The following TMCC3 variants were observed in gnomAD, a reference collection of about 807,000 sequenced individuals.
The protein encoded by TMCC3 is transmembrane and coiled-coil domain protein 3.
Under a neutral mutation model 40.2 loss-of-function variants are expected in TMCC3, and 28 were observed. That is an observed-to-expected ratio of 0.70 (90% CI 0.52 to 0.95). TMCC3 has a LOEUF of 0.95. Among genes scored for constraint, TMCC3 ranks in the 40% least tolerant of loss-of-function variants. TMCC3 has a pLI of 0.00. For synonymous variants in TMCC3, 255 were observed against 248.5 expected (o/e 1.03, Z -0.25); for missense variants, 554 against 615.2 (o/e 0.90, Z 1.05).
At chr12:94,598,906 A>G in intron 1 of TMCC3, 1 of 422,950 alleles carries the variant, frequency 2.4e-6, no homozygotes, top group Non-Finnish European at 3.2e-6. Context: ...GGTTGGCTGT[A>G]TCTCCAAAAC....
At chr12:94,602,731 G>C (rs556644557) in intron 1 of TMCC3, among the ~76,000 whole-genome samples, 2 of 152,186 alleles carry the variant, frequency 1.3e-5, no homozygotes, top group African/African-American at 2.4e-5. Context: ...GAGGCTACAG[G>C]AGTGCACCAT....
At chr12:94,618,145 A>G (rs2068857137) in intron 1 of TMCC3, among the ~76,000 whole-genome samples, 1 of 152,376 alleles carries the variant, frequency 6.6e-6, no homozygotes, top group Middle Eastern at 3.4e-3. Flanking sequence ...TAAGGCATAC[A>G]TAATTCAGTT....
intron 1 of TMCC3, among the ~76,000 whole-genome samples, chr12:94,646,855 T>C (rs2069022580): frequency 6.6e-6 from 1 of 151,972 alleles, no homozygotes; most frequent in African/African-American, 2.4e-5. Context: ...AAAGGCTATT[T>C]AGGACCTTGC....
rs139836768 is a variant in TMCC3 at position 94,587,077 on chromosome 12, G to A, written c.79-4539C>T. On this transcript the variant is annotated intron_variant, in intron 1 of 3. Coordinates refer to ENST00000261226, the MANE Select transcript of TMCC3 (RefSeq NM_020698.4). Reference sequence around the variant, plus strand: ...GAACACAAACTGAAATTACATGTGCGTGCTAAAAGAAAGCTGCCAGTCCTC... The same window carrying A: ...GAACACAAACTGAAATTACATGTGCATGCTAAAAGAAAGCTGCCAGTCCTC... Among the ~76,000 whole-genome samples, 376 of 152,268 alleles carry A rather than the reference G, an allele frequency of 2.5e-3. 2 individuals are homozygous for A. The highest frequency in any genetic ancestry group is 8.4e-3 in the African/African-American group (349 of 41,546).
intron 1 of TMCC3, chr12:94,644,483 T>C (rs2069007638): frequency 1.0e-6 from 1 of 971,272 alleles, no homozygotes; most frequent in Non-Finnish European, 1.2e-6. Context: ...TGGTGATCTC[T>C]ACAGCGGATG....
Position 94,582,042 on chromosome 12 carries a change from G to C in TMCC3, c.575C>G (p.Ser192Ter). 3.1e-6 allele frequency: 5 copies of C among 1,614,208 alleles called. No individual in the cohort carries two copies. Among genetic ancestry groups the C allele is most frequent in the Non-Finnish European group, 4.2e-6 (5 of 1,180,034 alleles). Residue 192 changes from serine (S) to a stop codon, truncating the protein, a stop_gained, in exon 2 of 4, where the codon TCA becomes TGA. Coordinates refer to ENST00000261226, the MANE Select transcript of TMCC3 (RefSeq NM_020698.4). LOFTEE classifies it high-confidence loss of function. ...ESSKSGMPGV[S>*]LTPPVFVFNK... ...GAAAACGAACACAGGTGGAGTAAGT[G>C]AGACCCCTGGCATGCCCGATTTGCT...
chr12:94,645,838 C>T (rs768327080), intron 1 of TMCC3, among the ~76,000 whole-genome samples: 7 of 152,122 alleles, frequency 4.6e-5, no homozygotes, highest in East Asian at 1.9e-4. Flanking sequence ...GTCATGTTGA[C>T]GCTCAAAAAG....
intron 1 of TMCC3, among the ~76,000 whole-genome samples, chr12:94,641,499 T>C (rs2068990776): frequency 6.6e-6 from 1 of 152,128 alleles, no homozygotes; most frequent in Non-Finnish European, 1.5e-5. Context: ...AGGGGGACGC[T>C]TCACTGGGTA....
intron 1 of TMCC3, among the ~76,000 whole-genome samples, chr12:94,614,761 AT>A (rs559601163): frequency 0.032 from 4,328 of 134,616 alleles, 62 homozygotes; most frequent in Admixed American, 0.045. Flanking sequence ...CAACAGACAG[AT>A]TTTTTTTTTT....
Position 94,646,038 on chromosome 12 carries a change from C to T in TMCC3, c.78+4315G>A, listed in dbSNP as rs117145009. On this transcript the variant is annotated intron_variant, in intron 1 of 3. Transcript: ENST00000261226. ...AGAGTGATTACAGGATCCAAGATTACACTGGTAGCAAACAGCACTGGTACA... is the reference window on the plus strand; with the variant it reads ...AGAGTGATTACAGGATCCAAGATTATACTGGTAGCAAACAGCACTGGTACA... Among the ~76,000 whole-genome samples the T allele has an allele frequency of 9.0e-3, 1,373 of 152,266 alleles. 7 individuals are homozygous for T. Among genetic ancestry groups the T allele is most frequent in the South Asian group, 0.022 (108 of 4,828 alleles).
intron 1 of TMCC3, among the ~76,000 whole-genome samples, chr12:94,603,691 A>C (rs1219174096): frequency 6.6e-6 from 1 of 152,222 alleles, no homozygotes; most frequent in Non-Finnish European, 1.5e-5. Context: ...ACATTGATCC[A>C]GGTGGCAGTC....
chr12:94,590,538 CT>C (rs1318002848), intron 1 of TMCC3, among the ~76,000 whole-genome samples: 2 of 152,110 alleles, frequency 1.3e-5, no homozygotes, highest in Non-Finnish European at 2.9e-5. Context: ...AGCCCTGTCC[CT>C]AAGGGCCTAG....
intron 2 of TMCC3, 109 bp downstream of exon 2, chr12:94,581,513 G>A: frequency 1.5e-6 from 1 of 673,422 alleles, no homozygotes; most frequent in Non-Finnish European, 2.1e-6. Context: ...TACCCACTAA[G>A]TATCCGTGGT....
At chr12:94,603,387 T>C (rs1212511948) in intron 1 of TMCC3, among the ~76,000 whole-genome samples, 1 of 151,972 alleles carries the variant, frequency 6.6e-6, no homozygotes, top group Non-Finnish European at 1.5e-5. Context: ...AAAATGCTGG[T>C]ATTATGGGCA....
chr12:94,622,986 C>G (rs923871760), intron 1 of TMCC3, among the ~76,000 whole-genome samples: 1 of 152,136 alleles, frequency 6.6e-6, no homozygotes, highest in African/African-American at 2.4e-5. Context: ...CAAATAAATA[C>G]CTAGGCAAAG....
chr12:94,612,361 A>T (rs1319924182), intron 1 of TMCC3, among the ~76,000 whole-genome samples: 1 of 151,910 alleles, frequency 6.6e-6, no homozygotes, highest in African/African-American at 2.4e-5. Context: ...ACCAGGCTGG[A>T]GTGCAGTGGT....
intron 1 of TMCC3, among the ~76,000 whole-genome samples, chr12:94,589,787 T>G (rs1054591025): frequency 2.0e-5 from 3 of 152,172 alleles, no homozygotes; most frequent in African/African-American, 7.2e-5. Flanking sequence ...ACCAACCCTT[T>G]TATGAGAAAA....
At chr12:94,572,709 C>G (rs1010955802) in intron 3 of TMCC3, among the ~76,000 whole-genome samples, 4 of 152,204 alleles carry the variant, frequency 2.6e-5, no homozygotes, top group Non-Finnish European at 4.4e-5. Flanking sequence ...CACTTTGTGA[C>G]TACTCCACCT....
intron 2 of TMCC3, among the ~76,000 whole-genome samples, chr12:94,578,840 G>A (rs985846567): frequency 6.6e-6 from 1 of 152,132 alleles, no homozygotes; most frequent in African/African-American, 2.4e-5. Context: ...ACTTGCCAGG[G>A]CCAGGCAGGA....
Sources: allele counts gnomAD v4.1 joint callset (sites outside exome capture counted in the v4.1 genomes callset), GRCh38; gene constraint gnomAD v4.1.1; transcripts MANE v1.5; gene names NCBI Gene and HGNC (gene_info 2026-07-23, HGNC 2026-07-21).